Variants in MAPKAPK5 observed in about 807,000 individuals in gnomAD.
MAPKAPK5 encodes the protein MAP kinase-activated protein kinase 5.
MAPKAPK5 carries 30 observed loss-of-function variants against 65.1 expected under a neutral mutation model. The observed-to-expected ratio is 0.46, with a 90% CI of 0.34 to 0.63. The LOEUF (loss-of-function observed/expected upper bound fraction) is 0.63, where lower values mean the gene tolerates loss of function less well. Ranked by LOEUF, MAPKAPK5 falls within the 20% of genes least tolerant of loss-of-function variation. The pLI is 0.01. For missense variants in MAPKAPK5, 433 were observed against 581.4 expected (o/e 0.74, Z 2.63); for synonymous variants, 179 against 204.6 (o/e 0.87, Z 1.07).
At chr12:111,874,634 T>TTTTTC (rs1487913857) in intron 7 of MAPKAPK5, among the ~76,000 whole-genome samples, 1 of 146,750 alleles carries the variant, frequency 6.8e-6, no homozygotes, top group Non-Finnish European at 1.5e-5. Flanking sequence ...GGCTAATTTT[T>TTTTTC]ATATTTTTAG....
Position 111,866,192 on chromosome 12 carries a change from G to T in MAPKAPK5, c.147G>T (p.Ala49=). The change falls in exon 3 of 14, where the codon GCG becomes GCT. Residue 49 remains alanine, a synonymous_variant. Coordinates refer to ENST00000550735, the MANE Select transcript of MAPKAPK5 (RefSeq NM_003668.4). The part of the protein sequence containing the change: ...CVKKSTQERF[A]LKILLDRPKA... ...AGAAATCTACTCAAGAACGGTTTGC[G>T]CTGAAAATTCTTCTTGATCGTCCAA... 1.2e-6 allele frequency: 2 copies of T among 1,612,236 alleles called. No individual in the cohort carries two copies. Among genetic ancestry groups the T allele is most frequent in the African/African-American group, 2.7e-5 (2 of 74,988 alleles).
intron 1 of MAPKAPK5, among the ~76,000 whole-genome samples, chr12:111,848,620 C>T (rs1297971607): frequency 6.6e-6 from 1 of 150,910 alleles, no homozygotes; most frequent in Non-Finnish European, 1.5e-5. Flanking sequence ...ACCATGTTGG[C>T]CAGGCTGGTC....
chr12:111,848,525 C>A (rs1277693707), intron 1 of MAPKAPK5, among the ~76,000 whole-genome samples: 2 of 151,164 alleles, frequency 1.3e-5, no homozygotes, highest in Admixed American at 6.6e-5. Flanking sequence ...GTGATTCTCC[C>A]GTCTCAGCCT....
At chr12:111,877,830 G>A (rs2070041001) in intron 7 of MAPKAPK5, among the ~76,000 whole-genome samples, 1 of 151,600 alleles carries the variant, frequency 6.6e-6, no homozygotes, top group Non-Finnish European at 1.5e-5. Flanking sequence ...ATAGGCATAC[G>A]CCACCACATC....
chr12:111,882,114 C>T (rs1342080725), intron 8 of MAPKAPK5, among the ~76,000 whole-genome samples: 5 of 152,228 alleles, frequency 3.3e-5, no homozygotes, highest in Admixed American at 3.3e-4. Context: ...GGCGCAGTGG[C>T]TCACGCCTGT....
chr12:111,865,820 G>A (rs2069583109), intron 2 of MAPKAPK5, among the ~76,000 whole-genome samples: 2 of 139,810 alleles, frequency 1.4e-5, no homozygotes, highest in African/African-American at 5.5e-5. Context: ...TGGCCACAGA[G>A]CGAGATTCTG....
intron 1 of MAPKAPK5, among the ~76,000 whole-genome samples, chr12:111,861,291 C>T (rs2069427800): frequency 6.6e-6 from 1 of 151,698 alleles, no homozygotes. Context: ...TATTAGAATC[C>T]CCTTTGTGTC....
At chr12:111,875,717 T>C (rs1456225276) in intron 7 of MAPKAPK5, among the ~76,000 whole-genome samples, 1 of 152,198 alleles carries the variant, frequency 6.6e-6, no homozygotes, top group African/African-American at 2.4e-5. Context: ...ACTCTTATCC[T>C]AGCCCACATT....
chr12:111,882,824 CT>C (rs1312389895), intron 8 of MAPKAPK5: 1 of 985,314 alleles, frequency 1.0e-6, no homozygotes, highest in East Asian at 1.1e-4. Flanking sequence ...TGCTTTGGGC[CT>C]TTATGAAGTG....
intron 6 of MAPKAPK5, among the ~76,000 whole-genome samples, chr12:111,870,607 G>C (rs904522960): frequency 6.6e-6 from 1 of 152,160 alleles, no homozygotes; most frequent in African/African-American, 2.4e-5. Flanking sequence ...ATATTATTTG[G>C]AGGACCTTTG....
At chr12:111,846,920 G>A (rs1251411519) in intron 1 of MAPKAPK5, among the ~76,000 whole-genome samples, 1 of 152,086 alleles carries the variant, frequency 6.6e-6, no homozygotes, top group Non-Finnish European at 1.5e-5. Context: ...TAGTTACTTA[G>A]TAGTCATCTT....
chr12:111,864,350 G>C (rs959828423), intron 1 of MAPKAPK5, among the ~76,000 whole-genome samples: 1 of 152,058 alleles, frequency 6.6e-6, no homozygotes, highest in Admixed American at 6.6e-5. Flanking sequence ...ATAGGCACGC[G>C]CCACCACGCC....
intron 1 of MAPKAPK5, among the ~76,000 whole-genome samples, chr12:111,863,531 G>T (rs563543300): frequency 6.6e-6 from 1 of 152,054 alleles, no homozygotes; most frequent in East Asian, 1.9e-4. Context: ...GTATACTAGC[G>T]AGCGGGATTC....
intron 1 of MAPKAPK5, among the ~76,000 whole-genome samples, chr12:111,846,787 A>AT (rs2068919646): frequency 6.6e-6 from 1 of 152,078 alleles, no homozygotes; most frequent in Non-Finnish European, 1.5e-5. Flanking sequence ...GTGAGTCACC[A>AT]TGCCTGGCTC....
chr12:111,874,448 G>T (rs1478997357), intron 7 of MAPKAPK5, among the ~76,000 whole-genome samples: 1 of 145,056 alleles, frequency 6.9e-6, no homozygotes. Flanking sequence ...AAATACTAGT[G>T]TTTTTTGTTT....
At chr12:111,890,874 T>G (rs1593187793) in intron 13 of MAPKAPK5, among the ~76,000 whole-genome samples, 1 of 151,610 alleles carries the variant, frequency 6.6e-6, no homozygotes, top group African/African-American at 2.4e-5. Flanking sequence ...GCCAGGCTGG[T>G]CTTGAACTCC....
intron 1 of MAPKAPK5, among the ~76,000 whole-genome samples, chr12:111,858,630 G>C (rs188765237): frequency 7.1e-6 from 1 of 140,754 alleles, no homozygotes; most frequent in Non-Finnish European, 1.5e-5. Context: ...TGCAACCTCC[G>C]CCTCCTGGGT....
intron 5 of MAPKAPK5, among the ~76,000 whole-genome samples, chr12:111,869,429 A>G (rs951444036): frequency 6.6e-6 from 1 of 152,202 alleles, no homozygotes; most frequent in Non-Finnish European, 1.5e-5. Context: ...TCCAGCTGAT[A>G]ATCACTTCTT....
intron 3 of MAPKAPK5, among the ~76,000 whole-genome samples, chr12:111,866,478 C>T (rs1466174183): frequency 6.6e-6 from 1 of 152,192 alleles, no homozygotes; most frequent in African/African-American, 2.4e-5. Context: ...CTTGTACCCT[C>T]ATGTATTCAG....
Sources: allele counts gnomAD v4.1 joint callset (sites outside exome capture counted in the v4.1 genomes callset), GRCh38; gene constraint gnomAD v4.1.1; transcripts MANE v1.5; gene names NCBI Gene and HGNC (gene_info 2026-07-23, HGNC 2026-07-21).